Variants in STRA6 observed in about 807,000 individuals in gnomAD.
STRA6 encodes receptor for retinol uptake STRA6.
STRA6 carries 48 observed loss-of-function variants against 83.6 expected under a neutral mutation model. The observed-to-expected ratio is 0.57, with a 90% CI of 0.46 to 0.73. The LOEUF (loss-of-function observed/expected upper bound fraction) is 0.73. Ranked by LOEUF, STRA6 falls within the 30% of genes least tolerant of loss-of-function variation. STRA6 has a pLI of 0.00. For synonymous variants in STRA6, 353 were observed against 362.3 expected (o/e 0.97, Z 0.29); for missense variants, 760 against 838.8 (o/e 0.91, Z 1.16).
intron 14 of STRA6, chr15:74,182,736 C>T (rs374100216): frequency 2.2e-6 from 1 of 456,358 alleles, no homozygotes; most frequent in Admixed American, 3.5e-5. Context: ...TCACAAAATA[C>T]TTTGCAAATG....
upstream of STRA6, among the ~76,000 whole-genome samples, chr15:74,203,714 A>G (rs75338185): frequency 0.02 from 3,028 of 152,320 alleles, 31 homozygotes; most frequent in South Asian, 0.042. Flanking sequence ...ACACAGCCAG[A>G]TAACTAAATC....
upstream of STRA6, chr15:74,209,045 GCAGCTCCCCCCTTCTC>G (rs1420964119): frequency 1.7e-6 from 2 of 1,176,348 alleles, no homozygotes; most frequent in African/African-American, 3.2e-5. Flanking sequence ...CTCCCGGAAG[GCAGCTCCCCCCTTCTC>G]CAGTCTGGCT....
At chr15:74,181,173 G>A in intron 17 of STRA6, 122 bp downstream of exon 17, 2 of 1,456,082 alleles carry the variant, frequency 1.4e-6, no homozygotes, top group Non-Finnish European at 1.9e-6. Flanking sequence ...CACACAGGTG[G>A]CACATGCAGC....
chr15:74,211,195 T>C (rs1039152967), upstream of STRA6, among the ~76,000 whole-genome samples: 96 of 150,720 alleles, frequency 6.4e-4, no homozygotes, highest in African/African-American at 2.0e-3. Context: ...CACTGCTTTT[T>C]CCCCCAAGAA....
chr15:74,193,926 G>A lies in STRA6; in HGVS notation c.598-4C>T. On this transcript the variant is annotated splice_region_variant and splice_polypyrimidine_tract_variant and intron_variant, in intron 7 of 18. Coordinates refer to ENST00000395105, the MANE Select transcript of STRA6 (RefSeq NM_022369.4). ...GCAGGGAGTAGTACTTGTAGATCTG[G>A]ACAGACAAACACCCAGACAGACTAC... 1 of 1,613,000 alleles carries A rather than the reference G, an allele frequency of 6.2e-7. No individual in the cohort carries two copies. Among genetic ancestry groups the A allele is most frequent in the Non-Finnish European group, 8.5e-7 (1 of 1,179,196 alleles).
At position 74,183,865 on chromosome 15, in the gene STRA6, T is replaced by C. The variant is rs1188499636; in HGVS notation, c.1291A>G (p.Ile431Val). 3.7e-6 allele frequency: 6 copies of C among 1,613,838 alleles called. No homozygotes were observed. The highest frequency in any genetic ancestry group is 3.3e-5 in the Admixed American group (2 of 60,004). Residue 431 changes from isoleucine to valine, a missense_variant, in exon 14 of 19, where the codon ATC (isoleucine) becomes GTC (valine). Transcript: ENST00000395105. ...MSFSAYQTAF[I>V]CLGLLVQQII... ...GGCAAGGGAGGCTCACCAAGGCAGA[T>C]AAAGGCTGTCTGGTAGGCACTGAAG...
At chr15:74,192,931 C>T (rs1007954627) in intron 8 of STRA6, among the ~76,000 whole-genome samples, 1 of 152,228 alleles carries the variant, frequency 6.6e-6, no homozygotes, top group Non-Finnish European at 1.5e-5. Flanking sequence ...TCCCCCACCA[C>T]ACTGGGAGCT....
At chr15:74,210,667 G>A (rs1255998103), upstream of STRA6, among the ~76,000 whole-genome samples, 1 of 152,208 alleles carries the variant, frequency 6.6e-6, no homozygotes, top group East Asian at 1.9e-4. Flanking sequence ...AGCCTGCTGT[G>A]AGTAAGGAGC....
chr15:74,190,999 C>T (rs768287946), intron 10 of STRA6, 98 bp from the exon 11 acceptor site: 26 of 1,587,768 alleles, frequency 1.6e-5, no homozygotes, highest in Non-Finnish European at 2.2e-5. Flanking sequence ...CAGCAGGACC[C>T]TAAATGACCA....
rs913797170 is a variant in STRA6 at position 74,179,998 on chromosome 15, G to A, written c.*82C>T. 8 of 1,557,766 alleles carry A rather than the reference G, an allele frequency of 5.1e-6. No homozygotes were observed. The highest frequency in any genetic ancestry group is 1.2e-5 in the South Asian group (1 of 86,568). On this transcript the variant is annotated 3_prime_UTR_variant, in exon 19 of 19. Coordinates refer to ENST00000395105, the MANE Select transcript of STRA6 (RefSeq NM_022369.4). Reference sequence around the variant, plus strand: ...GGCTGCATGGCTGGTGTGATGCTGGGAGGAGAGCCGGGGAGGGAGGAGGAT... The same window carrying A: ...GGCTGCATGGCTGGTGTGATGCTGGAAGGAGAGCCGGGGAGGGAGGAGGAT...
chr15:74,203,209 C>G (rs539095446), upstream of STRA6: 20 of 972,786 alleles, frequency 2.1e-5, no homozygotes, highest in Non-Finnish European at 2.3e-5. Flanking sequence ...ATTGGTAAAC[C>G]CTTTTTGTTC....
At chr15:74,194,462 T>TC in intron 7 of STRA6, 2 of 870,646 alleles carry the variant, frequency 2.3e-6, no homozygotes, top group Non-Finnish European at 2.8e-6. Flanking sequence ...GCCACCAAGT[T>TC]CCCCCTCTCA....
chr15:74,208,659 G>T, intron 1 of STRA6: 1 of 961,120 alleles, frequency 1.0e-6, no homozygotes, highest in Non-Finnish European at 1.2e-6. Flanking sequence ...CATCAGAATT[G>T]CTCCAGCCCA....
At chr15:74,190,068 C>T (rs1050204094) in intron 11 of STRA6, among the ~76,000 whole-genome samples, 1 of 152,124 alleles carries the variant, frequency 6.6e-6, no homozygotes, top group African/African-American at 2.4e-5. Flanking sequence ...ACTACACCAT[C>T]GTATATCAGA....
At chr15:74,193,757 C>T in intron 8 of STRA6, 43 bp downstream of exon 8, 1 of 1,610,612 alleles carries the variant, frequency 6.2e-7, no homozygotes, top group East Asian at 2.2e-5. Flanking sequence ...GTAGGGCTGT[C>T]TTGGGTGCTG....
chr15:74,199,867 G>T (rs2073979697), intron 2 of STRA6, among the ~76,000 whole-genome samples: 1 of 152,240 alleles, frequency 6.6e-6, no homozygotes, highest in Admixed American at 6.5e-5. Flanking sequence ...GGTGCTGAAG[G>T]ATGCAGAGGA....
upstream of STRA6, among the ~76,000 whole-genome samples, chr15:74,205,336 G>A (rs1280359971): frequency 6.6e-6 from 1 of 152,202 alleles, no homozygotes; most frequent in Non-Finnish European, 1.5e-5. Context: ...GAAGCAGCAC[G>A]GCACCAGCAT....
chr15:74,193,065 A>G (rs1419719525), intron 8 of STRA6, among the ~76,000 whole-genome samples: 1 of 152,158 alleles, frequency 6.6e-6, no homozygotes, highest in African/African-American at 2.4e-5. Flanking sequence ...ATTCTCTTTT[A>G]CCATGATGCA....
At chr15:74,180,300 G>C (rs1449945647) in intron 18 of STRA6, 57 bp from the exon 19 acceptor site, 3 of 1,607,762 alleles carry the variant, frequency 1.9e-6, no homozygotes, top group African/African-American at 1.3e-5. Context: ...AACCCTCCCT[G>C]GCCCTCAGAC....
Sources: gnomAD v4.1 joint callset for allele counts (sites outside exome capture counted in the v4.1 genomes callset) on GRCh38, gnomAD v4.1.1 for gene constraint, MANE v1.5 for transcripts, NCBI Gene and HGNC (gene_info 2026-07-23, HGNC 2026-07-21) for gene names.